The following TRPC4 variants were observed in gnomAD, a reference collection of about 807,000 sequenced individuals.
TRPC4 encodes short transient receptor potential channel 4.
Under a neutral mutation model 99.4 loss-of-function variants are expected in TRPC4, and 49 were observed. The ratio of observed to expected loss-of-function variants is 0.49; its 90% CI spans 0.39 to 0.63. TRPC4 has a LOEUF of 0.63. Among genes scored for constraint, TRPC4 ranks in the 20% least tolerant of loss-of-function variants. TRPC4 has a pLI of 0.00. For synonymous variants in TRPC4, 454 were observed against 425.9 expected, an observed-to-expected ratio of 1.07 and a Z score of -0.81; for missense variants, 898 against 1,152.9, an observed-to-expected ratio of 0.78 and a Z score of 3.20.
In TRPC4 at chr13:37,746,234, G is replaced by A. The variant is rs562851727; in HGVS notation, c.600C>T (p.Tyr200=). Residue 200 remains tyrosine (Y), a synonymous_variant, in exon 3 of 11, where the codon TAC becomes TAT. Transcript: ENST00000379705. The part of the protein sequence containing the change: ...LRHSRSRLNI[Y]KALASPSLIA... ...TGAGAGAGGGACTGGCCAAGGCCTTGTAGATGTTGAGTCTGGAGCGTGAGT... is the reference window on the plus strand; with the variant it reads ...TGAGAGAGGGACTGGCCAAGGCCTTATAGATGTTGAGTCTGGAGCGTGAGT... 1 of 1,613,846 alleles carries A rather than the reference G, an allele frequency of 6.2e-7. No individual in the cohort carries two copies. Among genetic ancestry groups the A allele is most frequent in the African/African-American group, 1.3e-5 (1 of 75,048 alleles).
At chr13:37,642,245 C>A (rs544868888) in intron 8 of TRPC4, among the ~76,000 whole-genome samples, 2 of 152,098 alleles carry the variant, frequency 1.3e-5, no homozygotes, top group African/African-American at 4.8e-5. Context: ...ATGAACTTTT[C>A]GGCATGACAT....
chr13:37,674,477 A>T lies in TRPC4; in HGVS notation c.1235-110T>A, dbSNP rs551214182. 2.5e-5 allele frequency: 29 copies of T among 1,168,880 alleles called. No individual in the cohort carries two copies. In the South Asian group the frequency reaches 4.4e-4, roughly 18 times the overall value. 72.4% of individuals were successfully genotyped at this position (1,168,880 alleles called of 1,614,324 possible). ...CGAAGCTACAAGAGACCACATTGTT[A>T]CACTAAATGCAACATCTATTTTTTA... On this transcript the variant is annotated intron_variant, in intron 4 of 10. Coordinates refer to ENST00000379705, the MANE Select transcript of TRPC4 (RefSeq NM_016179.4).
intron 1 of TRPC4, among the ~76,000 whole-genome samples, chr13:37,858,941 GGTTT>G (rs1959197612): frequency 6.6e-6 from 1 of 151,344 alleles, no homozygotes; most frequent in African/African-American, 2.4e-5. Flanking sequence ...ATAAATGGAT[GGTTT>G]GTAACATAAA....
intron 5 of TRPC4, among the ~76,000 whole-genome samples, chr13:37,672,217 T>C (rs1187388798): frequency 2.6e-4 from 40 of 152,174 alleles, no homozygotes; most frequent in Non-Finnish European, 7.4e-5. Context: ...AGAGTTCTTA[T>C]ATATGAAAAA....
intron 3 of TRPC4, among the ~76,000 whole-genome samples, chr13:37,735,910 C>T (rs116544634): frequency 0.015 from 2,290 of 152,230 alleles, 45 homozygotes; most frequent in African/African-American, 0.052. Context: ...TTTTATAAGA[C>T]ACACTTGTTA....
At chr13:37,751,103 C>A (rs1955920927) in intron 2 of TRPC4, among the ~76,000 whole-genome samples, 2 of 152,004 alleles carry the variant, frequency 1.3e-5, no homozygotes, top group South Asian at 2.1e-4. Flanking sequence ...CACCTGCTAA[C>A]CGGTTCAGGT....
chr13:37,655,583 A>T (rs973388579), intron 6 of TRPC4, among the ~76,000 whole-genome samples: 1 of 152,000 alleles, frequency 6.6e-6, no homozygotes, highest in Non-Finnish European at 1.5e-5. Flanking sequence ...TGAGTTAAGA[A>T]TGGTTTTCAC....
At chr13:37,782,812 G>A in intron 2 of TRPC4, 144 bp downstream of exon 2, 1 of 795,248 alleles carries the variant, frequency 1.3e-6, no homozygotes. Flanking sequence ...GTAGTTTTCT[G>A]TTATAATATA....
intron 3 of TRPC4, among the ~76,000 whole-genome samples, chr13:37,740,492 C>G (rs1180890825): frequency 6.6e-6 from 1 of 152,156 alleles, no homozygotes; most frequent in Non-Finnish European, 1.5e-5. Context: ...CCATGATATA[C>G]AGACAAGTAG....
At chr13:37,640,303 CAG>C (rs1951679807) in intron 8 of TRPC4, among the ~76,000 whole-genome samples, 1 of 151,908 alleles carries the variant, frequency 6.6e-6, no homozygotes, top group Admixed American at 6.6e-5. Context: ...GCTGATAAAA[CAG>C]AATATTGAAA....
chr13:37,736,312 G>C (rs1330100586), intron 3 of TRPC4, among the ~76,000 whole-genome samples: 2 of 152,124 alleles, frequency 1.3e-5, no homozygotes, highest in Non-Finnish European at 1.5e-5. Flanking sequence ...AGAAAAGAGA[G>C]GCAGATGCTC....
chr13:37,690,790 A>G (rs1953666027), intron 4 of TRPC4, among the ~76,000 whole-genome samples: 1 of 148,328 alleles, frequency 6.7e-6, no homozygotes, highest in African/African-American at 2.5e-5. Flanking sequence ...ACTGAAAAAC[A>G]TATTTATCTC....
chr13:37,725,432 C>A (rs1033224745), intron 3 of TRPC4, among the ~76,000 whole-genome samples: 1 of 152,046 alleles, frequency 6.6e-6, no homozygotes, highest in African/African-American at 2.4e-5. Flanking sequence ...CACCAAGACA[C>A]ATTATAATAC....
chr13:37,672,333 A>T (rs1952878796), intron 5 of TRPC4, among the ~76,000 whole-genome samples: 1 of 152,172 alleles, frequency 6.6e-6, no homozygotes, highest in Non-Finnish European at 1.5e-5. Flanking sequence ...TTTCTTTGGG[A>T]CCCAATCTCA....
intron 1 of TRPC4, among the ~76,000 whole-genome samples, chr13:37,825,236 T>C (rs1022840368): frequency 2.0e-5 from 3 of 152,046 alleles, no homozygotes; most frequent in Non-Finnish European, 2.9e-5. Context: ...CCTGGATTCA[T>C]TAATTTTTTG....
chr13:37,773,904 T>G (rs1303512158), intron 2 of TRPC4, among the ~76,000 whole-genome samples: 1 of 151,818 alleles, frequency 6.6e-6, no homozygotes, highest in East Asian at 1.9e-4. Flanking sequence ...TTGAGAATTC[T>G]CTGATATTTT....
chr13:37,684,620 T>C lies in TRPC4; in HGVS notation c.1234+7379A>G, dbSNP rs1953395683. Among the ~76,000 whole-genome samples, 3 of 152,238 alleles carry C rather than the reference T, an allele frequency of 2.0e-5. No individual in the cohort carries two copies. The South Asian group carries it at 6.2e-4, about 32-fold the overall frequency. ...AAATATTTCTCCAATTCCTTGTTCA[T>C]TACCTTTTCAATAAGCAGCAGAAGT... On this transcript the variant is annotated intron_variant, in intron 4 of 10. Coordinates refer to ENST00000379705, the MANE Select transcript of TRPC4 (RefSeq NM_016179.4).
At chr13:37,761,274 T>A (rs150394345) in intron 2 of TRPC4, among the ~76,000 whole-genome samples, 281 of 152,022 alleles carry the variant, frequency 1.8e-3, no homozygotes, top group African/African-American at 6.4e-3. Context: ...TGTACTATTA[T>A]TATTACCCTT....
intron 1 of TRPC4, among the ~76,000 whole-genome samples, chr13:37,794,596 C>G (rs1469757906): frequency 6.6e-6 from 1 of 152,114 alleles, no homozygotes. Context: ...GGATAATCTT[C>G]AGTGAATATT....
Sources: gnomAD v4.1 joint callset for allele counts (sites outside exome capture counted in the v4.1 genomes callset) on GRCh38, gnomAD v4.1.1 for gene constraint, MANE v1.5 for transcripts, NCBI Gene and HGNC (gene_info 2026-07-23, HGNC 2026-07-21) for gene names.